HTR1D: variants seen among roughly 807,000 people sequenced by gnomAD.
HTR1D encodes 5-HT-1D.
Under a neutral mutation model 21.1 loss-of-function variants are expected in HTR1D, and 18 were observed. The ratio of observed to expected loss-of-function variants is 0.85; its 90% CI spans 0.59 to 1.27. The LOEUF is 1.27. Among genes scored for constraint, HTR1D ranks in the 50% most tolerant of loss-of-function variants. HTR1D has a pLI of 0.00. For missense variants in HTR1D, 456 were observed against 481.4 expected (o/e 0.95, Z 0.49); for synonymous variants, 196 against 204.4 (o/e 0.96, Z 0.35).
intron 1 of HTR1D, among the ~76,000 whole-genome samples, chr1:23,197,999 T>G (rs1010928076): frequency 6.6e-6 from 1 of 151,166 alleles, no homozygotes; most frequent in African/African-American, 2.4e-5. Flanking sequence ...CTTGGGAGAC[T>G]GAGGCAGGAG....
intron 1 of HTR1D, among the ~76,000 whole-genome samples, chr1:23,198,098 G>A (rs1294850040): frequency 2.7e-5 from 4 of 150,894 alleles, no homozygotes; most frequent in Non-Finnish European, 5.9e-5. Context: ...TGGGCCGGGC[G>A]CAATGGCTCA....
intron 1 of HTR1D, among the ~76,000 whole-genome samples, chr1:23,203,408 C>T (rs1644717435): frequency 6.6e-6 from 1 of 152,010 alleles, no homozygotes; most frequent in South Asian, 2.1e-4. Flanking sequence ...GCCTGTAATC[C>T]CAGTGCTTTG....
chr1:23,213,727 T>G lies in HTR1D; in HGVS notation c.-783+3564A>C, dbSNP rs925522129. Among the ~76,000 whole-genome samples, 5 of 152,176 alleles carry G rather than the reference T, an allele frequency of 3.3e-5. No homozygotes were observed. The East Asian group carries it at 5.8e-4, about 18-fold the overall frequency. Reference sequence around the variant, plus strand: ...TACTCCTGTCTGCTTTCTAAATTTTTTTTGTTTGTTTTTTAGAGATGGGGT... The same window carrying G: ...TACTCCTGTCTGCTTTCTAAATTTTGTTTGTTTGTTTTTTAGAGATGGGGT... On this transcript the variant is annotated intron_variant, in intron 1 of 1. Transcript: ENST00000374619.
At chr1:23,215,273 C>A (rs1644769333) in intron 1 of HTR1D, among the ~76,000 whole-genome samples, 1 of 152,088 alleles carries the variant, frequency 6.6e-6, no homozygotes, top group African/African-American at 2.4e-5. Flanking sequence ...AAAAATTAGC[C>A]AGGCATGGAG....
intron 1 of HTR1D, among the ~76,000 whole-genome samples, chr1:23,203,767 T>A (rs1195699069): frequency 6.6e-6 from 1 of 152,202 alleles, no homozygotes; most frequent in African/African-American, 2.4e-5. Flanking sequence ...TGTGTGTACG[T>A]CCACCAAAAG....
intron 1 of HTR1D, among the ~76,000 whole-genome samples, chr1:23,210,017 G>A (rs766926339): frequency 3.3e-5 from 5 of 152,262 alleles, no homozygotes; most frequent in Admixed American, 2.0e-4. Context: ...ACACTTGAAT[G>A]TGTACATGCA....
At chr1:23,199,887 G>A (rs1264586023) in intron 1 of HTR1D, among the ~76,000 whole-genome samples, 2 of 151,894 alleles carry the variant, frequency 1.3e-5, no homozygotes, top group African/African-American at 4.8e-5. Context: ...TGTATTTTTA[G>A]TAAAGATGGG....
chr1:23,201,215 G>C (rs1024370440), intron 1 of HTR1D, among the ~76,000 whole-genome samples: 3 of 152,158 alleles, frequency 2.0e-5, no homozygotes, highest in Non-Finnish European at 2.9e-5. Context: ...GCAGGCCAAG[G>C]GTCCTGAGGC....
chr1:23,208,524 TCATGC>T (rs1472524326), intron 1 of HTR1D, among the ~76,000 whole-genome samples: 1 of 149,362 alleles, frequency 6.7e-6, no homozygotes, highest in Non-Finnish European at 1.5e-5. Flanking sequence ...TGAGCCGAGA[TCATGC>T]CATTGCACTC....
At position 23,198,384 on chromosome 1, in the gene HTR1D, A is replaced by C. The variant is rs1017285111; in HGVS notation, c.-782-3383T>G. ...CCGTCTCAAAAAAAAAAAAAAAAAA[A>C]AAAGTGTAGAGCAATTTTCTACCAC... On this transcript the variant is annotated intron_variant, in intron 1 of 1. Transcript: ENST00000374619. Among the ~76,000 whole-genome samples the C allele has an allele frequency of 2.0e-5, 3 of 151,674 alleles. 1 individual carries two copies. The highest frequency in any genetic ancestry group is 7.3e-5 in the African/African-American group (3 of 41,350).
At position 23,194,907 on chromosome 1, in the gene HTR1D, T is replaced by A. The variant is rs1644681998; in HGVS notation, c.-688A>T. ...TTTTAGAGCCTGAACAGACAAAACATCCTGGTTACCAAGACTCGAAGAATG... is the reference window on the plus strand; with the variant it reads ...TTTTAGAGCCTGAACAGACAAAACAACCTGGTTACCAAGACTCGAAGAATG... On this transcript the variant is annotated 5_prime_UTR_variant, in exon 2 of 2. The change abolishes an upstream ATG in the 5' untranslated region. Transcript: ENST00000374619. 6.6e-6 allele frequency among the ~76,000 whole-genome samples: 1 copy of A among 152,038 alleles called. No individual in the cohort carries two copies. The highest frequency in any genetic ancestry group is 6.6e-5 in the Admixed American group (1 of 15,246).
chr1:23,212,638 C>T (rs1015649643), intron 1 of HTR1D, among the ~76,000 whole-genome samples: 5 of 152,112 alleles, frequency 3.3e-5, no homozygotes, highest in Admixed American at 6.6e-5. Flanking sequence ...ATATTTTAGG[C>T]TTAATACTTA....
rs141111359 is a variant in HTR1D, at chr1:23,201,440, C to G, written c.-782-6439G>C. On this transcript the variant is annotated intron_variant, in intron 1 of 1. Coordinates refer to ENST00000374619, the MANE Select transcript of HTR1D (RefSeq NM_000864.5). The stretch of plus-strand genomic sequence containing the variant: ...CCATCCCTGTATGTCCATGAGCGAC[C>G]TTCTATCCAGGAAACCTCATTTGTA... Among the ~76,000 whole-genome samples the G allele has an allele frequency of 3.8e-3, 580 of 152,300 alleles. 7 individuals are homozygous for G. The highest frequency in any genetic ancestry group is 0.013 in the African/African-American group (539 of 41,566).
rs568051601 is a variant in HTR1D at position 23,194,171 on chromosome 1, T to C, written c.49A>G (p.Asn17Asp). ...SAEGLPQEAS[N>D]RSLNATETSE... ...GTTTCTGTGGCATTCAGGGATCTGT[T>C]GGAGGCCTCCTGGGGAAGGCCTTCT... The change falls in exon 2 of 2, where the codon AAC (asparagine) becomes GAC (aspartate). Residue 17 changes from asparagine to aspartate, a missense_variant. Asn to Asp is a conservative substitution (Grantham distance 23). Coordinates refer to ENST00000374619, the MANE Select transcript of HTR1D (RefSeq NM_000864.5). The C allele has an allele frequency of 2.5e-6, 4 of 1,614,070 alleles. No individual in the cohort carries two copies. The highest frequency in any genetic ancestry group is 3.4e-6 in the Non-Finnish European group (4 of 1,180,014).
intron 1 of HTR1D, among the ~76,000 whole-genome samples, chr1:23,203,816 C>A (rs1557724264): frequency 6.6e-6 from 1 of 152,108 alleles, no homozygotes; most frequent in East Asian, 1.9e-4. Flanking sequence ...CTATTCATAA[C>A]AACCCCAAAT....
rs762600883 is a variant in HTR1D, at chr1:23,192,430, C to A, written c.*656G>T. The stretch of plus-strand genomic sequence containing the variant: ...AGCTCCATATAGATCTCAGGTAGAC[C>A]AGAGAGCCTTCCCTCTGAGTCTGGG... On this transcript the variant is annotated 3_prime_UTR_variant, in exon 2 of 2. Coordinates refer to ENST00000374619, the MANE Select transcript of HTR1D (RefSeq NM_000864.5). The A allele has an allele frequency of 3.3e-5, 5 of 152,568 alleles. No individual in the cohort carries two copies. The highest frequency in any genetic ancestry group is 4.8e-5 in the African/African-American group (2 of 41,406). The allele number at this position is 152,568 out of a possible 1,614,324, so 9.5% of individuals were successfully genotyped here. A position where few individuals can be genotyped will look rare whatever the true frequency, so the allele number is the denominator to read the frequency against.
chr1:23,193,263 C>A lies in HTR1D; in HGVS notation c.957G>T (p.Val319=). 6.2e-7 allele frequency: 1 copy of A among 1,614,088 alleles called. No individual in the cohort carries two copies. The highest frequency in any genetic ancestry group is 8.5e-7 in the Non-Finnish European group (1 of 1,180,024). Residue 319 remains valine (V), a synonymous_variant, in exon 2 of 2, where the codon GTG becomes GTT. Transcript: ENST00000374619. ...GGCAGATGGGGAGGACCAGAGACAC[C>A]ACGAAGAAGGGCAGCCAGCAGATGA... ...AFIICWLPFF[V]VSLVLPICRD... is the part of the protein sequence containing the mutation.
chr1:23,202,412 C>T (rs1193026288), intron 1 of HTR1D, among the ~76,000 whole-genome samples: 1 of 152,104 alleles, frequency 6.6e-6, no homozygotes, highest in Non-Finnish European at 1.5e-5. Context: ...TGGCCTCTTA[C>T]AAAAGCAAAA....
chr1:23,201,502 G>T (rs1644709046), intron 1 of HTR1D, among the ~76,000 whole-genome samples: 2 of 152,148 alleles, frequency 1.3e-5, no homozygotes, highest in Non-Finnish European at 2.9e-5. Flanking sequence ...AGTTTACACG[G>T]ACACAGCAGC....
Sources: gnomAD v4.1 joint callset for allele counts (sites outside exome capture counted in the v4.1 genomes callset) on GRCh38, gnomAD v4.1.1 for gene constraint, MANE v1.5 for transcripts, NCBI Gene and HGNC (gene_info 2026-07-23, HGNC 2026-07-21) for gene names.